FABP7: variants seen among roughly 807,000 people sequenced by gnomAD.
FABP7 encodes fatty acid-binding protein, brain.
A neutral mutation model predicts 14.2 loss-of-function variants in FABP7; 13 were observed. That is an observed-to-expected ratio of 0.91 (90% confidence interval 0.59 to 1.45). The LOEUF is 1.45. Ranked by LOEUF, FABP7 falls within the 40% of genes most tolerant of loss-of-function variation. The probability of loss-of-function intolerance (pLI) is 0.00; values close to 1 mark genes in which losing one functional copy is unlikely to be tolerated. For missense variants in FABP7, 149 were observed against 157.6 expected (o/e 0.95, Z 0.29); for synonymous variants, 49 against 51.4 (o/e 0.95, Z 0.20).
intron 3 of FABP7, 39 bp downstream of exon 3, chr6:122,781,233 C>T (rs1417190490): frequency 6.2e-7 from 1 of 1,604,116 alleles, no homozygotes. Flanking sequence ...TTGTTTTTTT[C>T]TCCTCTCCGC....
At chr6:122,766,472 C>G in the FABP7 span, among the ~76,000 whole-genome samples, 4 of 152,138 alleles carry the variant, frequency 2.6e-5, no homozygotes, top group East Asian at 7.7e-4. Context: ...TGGCACAGAC[C>G]TAGCATCCCA....
the FABP7 span, among the ~76,000 whole-genome samples, chr6:122,770,160 A>C: frequency 1.9e-3 from 285 of 152,206 alleles, 5 homozygotes; most frequent in South Asian, 0.035. Flanking sequence ...GCCCAAATGA[A>C]CCAGTGGCTC....
chr6:122,777,127 C>T (rs191143004), upstream of FABP7, among the ~76,000 whole-genome samples: 402 of 152,244 alleles, frequency 2.6e-3, no homozygotes, highest in African/African-American at 8.9e-3. Flanking sequence ...TACATGGTTC[C>T]TGCTCTCAAC....
intron 3 of FABP7, chr6:122,782,324 T>C: frequency 1.7e-6 from 1 of 582,016 alleles, no homozygotes; most frequent in Non-Finnish European, 2.2e-6. Flanking sequence ...GCGACCCTAG[T>C]GTTGCCATCC....
At chr6:122,762,344 A>C in the FABP7 span, among the ~76,000 whole-genome samples, 1 of 151,954 alleles carries the variant, frequency 6.6e-6, no homozygotes, top group East Asian at 1.9e-4. Flanking sequence ...TCAACAGCCC[A>C]TCATGCTAAA....
chr6:122,758,741 T>C, the FABP7 span, among the ~76,000 whole-genome samples: 1 of 152,216 alleles, frequency 6.6e-6, no homozygotes, highest in South Asian at 2.1e-4. Context: ...ATATTACTTA[T>C]GTCATCTTCA....
chr6:122,781,552 A>G (rs2115145950), intron 3 of FABP7: 1 of 1,267,520 alleles, frequency 7.9e-7, no homozygotes, highest in Middle Eastern at 3.0e-4. Flanking sequence ...ACTGAAATAT[A>G]TAAAGATAAT....
At chr6:122,780,812 TTC>T (rs746922568) in intron 2 of FABP7, among the ~76,000 whole-genome samples, 1 of 152,224 alleles carries the variant, frequency 6.6e-6, no homozygotes, top group Non-Finnish European at 1.5e-5. Flanking sequence ...GTTTGCCTCA[TTC>T]TAAGGCTTTC....
chr6:122,783,560 AG>A, intron 3 of FABP7, 156 bp from the exon 4 acceptor site: 4 of 985,172 alleles, frequency 4.1e-6, no homozygotes, highest in Non-Finnish European at 4.8e-6. Flanking sequence ...ATATCAATAT[AG>A]GGTCTCTTTT....
At chr6:122,759,711 G>A in the FABP7 span, among the ~76,000 whole-genome samples, 8 of 152,306 alleles carry the variant, frequency 5.3e-5, no homozygotes, top group East Asian at 1.3e-3. Context: ...GCAGGATTTA[G>A]CCCCTGGCAG....
chr6:122,756,876 T>C, the FABP7 span, among the ~76,000 whole-genome samples: 1 of 152,166 alleles, frequency 6.6e-6, no homozygotes, highest in Non-Finnish European at 1.5e-5. Context: ...ACTATCCTTG[T>C]TTTCCTCTCA....
rs2243373 is a variant in FABP7 at position 122,783,981 on chromosome 6, T to TCC, written c.*224_*225dup. ...TTTTATAATTTGAATTAAAGTTTTGTCCCCCCCCCCCTTTTTTTTATAAAC... is the reference window on the plus strand; with the variant it reads ...TTTTATAATTTGAATTAAAGTTTTGTCCCCCCCCCCCCCTTTTTTTTATAAAC... On this transcript the variant is annotated 3_prime_UTR_variant, in exon 4 of 4. Coordinates refer to ENST00000368444, the MANE Select transcript of FABP7 (RefSeq NM_001446.5). 8 of 287,594 alleles carry TCC rather than the reference T, an allele frequency of 2.8e-5. No individual in the cohort carries two copies. Among genetic ancestry groups the TCC allele is most frequent in the South Asian group, 1.9e-4 (2 of 10,368 alleles). The allele number at this position is 287,594 out of a possible 1,614,324, so 17.8% of individuals were successfully genotyped here.
the FABP7 span, among the ~76,000 whole-genome samples, chr6:122,772,321 AT>A: frequency 6.6e-6 from 1 of 152,126 alleles, no homozygotes; most frequent in Non-Finnish European, 1.5e-5. Context: ...TAAGAATGGA[AT>A]ATTTAAATAA....
chr6:122,765,311 T>A, the FABP7 span, among the ~76,000 whole-genome samples: 1 of 152,202 alleles, frequency 6.6e-6, no homozygotes, highest in Admixed American at 6.5e-5. Flanking sequence ...AATGAGAAAG[T>A]TTAGGTCCTT....
chr6:122,749,815 T>C, the FABP7 span, among the ~76,000 whole-genome samples: 1 of 152,266 alleles, frequency 6.6e-6, no homozygotes, highest in African/African-American at 2.4e-5. Context: ...CAGTAGATTC[T>C]TGTATTATAA....
chr6:122,761,072 G>C, the FABP7 span, among the ~76,000 whole-genome samples: 1 of 152,024 alleles, frequency 6.6e-6, no homozygotes, highest in Non-Finnish European at 1.5e-5. Context: ...TCTCTTAAAA[G>C]TTTAAAAATA....
the FABP7 span, among the ~76,000 whole-genome samples, chr6:122,755,882 T>C: frequency 1.0e-3 from 154 of 151,536 alleles, 1 homozygote; most frequent in African/African-American, 3.5e-3. Context: ...ATTGAAAGAG[T>C]GGGTTAGGGG....
the FABP7 span, among the ~76,000 whole-genome samples, chr6:122,772,062 G>A: frequency 1.3e-5 from 2 of 152,192 alleles, no homozygotes; most frequent in Non-Finnish European, 2.9e-5. Context: ...TTATATATGT[G>A]TAATACATAA....
chr6:122,781,740 CTTTTTT>C (rs34336029), intron 3 of FABP7: 17 of 741,102 alleles, frequency 2.3e-5, no homozygotes, highest in South Asian at 6.4e-5. Flanking sequence ...AGTGATAACC[CTTTTTT>C]TTTTTTTTTT....
Sources: gnomAD v4.1 joint callset for allele counts (sites outside exome capture counted in the v4.1 genomes callset) on GRCh38, gnomAD v4.1.1 for gene constraint, MANE v1.5 for transcripts, NCBI Gene and HGNC (gene_info 2026-07-23, HGNC 2026-07-21) for gene names.